Variants in GPR146 observed in about 807,000 individuals in gnomAD.
GPR146 encodes G protein-coupled receptor 146.
For synonymous variants in GPR146, 203 were observed against 104.3 expected (o/e 1.95, Z -5.77); for missense variants, 381 against 213.9 (o/e 1.78, Z -4.87).
intron 1 of GPR146, chr7:1,055,176 C>T (rs1783595371): frequency 6.5e-6 from 3 of 464,200 alleles, no homozygotes; most frequent in African/African-American, 2.0e-5. Context: ...CGGTCCCGTC[C>T]AAGCACGGCC....
chr7:1,055,584 GGA>G, intron 1 of GPR146: 1 of 380,376 alleles, frequency 2.6e-6, no homozygotes, highest in South Asian at 1.9e-5. Context: ...AGCACAGGTG[GGA>G]GAGAGGACGC....
At chr7:1,055,311 A>G (rs769390089) in intron 1 of GPR146, 17 of 471,024 alleles carry the variant, frequency 3.6e-5, no homozygotes, top group Non-Finnish European at 7.0e-5. Context: ...GGGCCCTCAC[A>G]CGCACGCGCA....
intron 1 of GPR146, among the ~76,000 whole-genome samples, chr7:1,049,399 T>C (rs1782888313): frequency 6.6e-6 from 1 of 152,184 alleles, no homozygotes; most frequent in African/African-American, 2.4e-5. Context: ...TCCTGTCTCA[T>C]GAAGATTTTT....
intron 1 of GPR146, among the ~76,000 whole-genome samples, chr7:1,050,508 C>T (rs1480788734): frequency 6.6e-6 from 1 of 152,246 alleles, no homozygotes; most frequent in Non-Finnish European, 1.5e-5. Context: ...GCTGCCCCAG[C>T]TTCTCCAAGT....
chr7:1,058,783 G>A lies in GPR146; in HGVS notation c.*266G>A, dbSNP rs1172732527. 1.4e-5 allele frequency: 7 copies of A among 491,718 alleles called. No individual in the cohort carries two copies. Among genetic ancestry groups the A allele is most frequent in the East Asian group, 3.4e-5 (1 of 29,762 alleles). The allele number at this position is 491,718 out of a possible 1,614,324, so 30.5% of individuals were successfully genotyped here. A position where few individuals can be genotyped will look rare whatever the true frequency, so the allele number is the denominator to read the frequency against. On this transcript the variant is annotated 3_prime_UTR_variant, in exon 2 of 2. Coordinates refer to ENST00000444847, the MANE Select transcript of GPR146 (RefSeq NM_001303473.2). ...GGTCCACATCCGCAAAAGCCTCCTC[G>A]CCTTCAGCCTCCTCAGCATTCAGTT...
chr7:1,052,258 C>A lies in GPR146; in HGVS notation c.-24-5234C>A, dbSNP rs1425917804. Among the ~76,000 whole-genome samples the A allele has an allele frequency of 6.6e-6, 1 of 152,226 alleles. No homozygotes were observed. The highest frequency in any genetic ancestry group is 1.5e-5 in the Non-Finnish European group (1 of 68,032). ...GGCGCCTGCGTCGAGGCGTGCCCTC[C>A]TGAGAGGCAAGGCTGACCTGCAGCG... is the stretch of plus-strand genomic sequence containing the variant. On this transcript the variant is annotated intron_variant, in intron 1 of 1. Transcript: ENST00000444847. The surrounding 1 kb of genome is among the most constrained non-coding windows in gnomAD (Gnocchi z 4.2).
At position 1,052,486 on chromosome 7, in the gene GPR146, C is replaced by G. The variant is rs189507264; in HGVS notation, c.-24-5006C>G. On this transcript the variant is annotated intron_variant, in intron 1 of 1. Coordinates refer to ENST00000444847, the MANE Select transcript of GPR146 (RefSeq NM_001303473.2). The surrounding 1 kb of genome is among the most constrained non-coding windows in gnomAD (Gnocchi z 4.2). Reference sequence around the variant, plus strand: ...AGTGGGAGGTAGGCAGTGAAACCAGCAGTGTGACTTTGGAGGTGCTGGAGG... The same window carrying G: ...AGTGGGAGGTAGGCAGTGAAACCAGGAGTGTGACTTTGGAGGTGCTGGAGG... 1.9e-3 allele frequency among the ~76,000 whole-genome samples: 289 copies of G among 152,168 alleles called. No homozygotes were observed. Among genetic ancestry groups the G allele is most frequent in the Non-Finnish European group, 2.8e-3 (187 of 67,982 alleles).
intron 1 of GPR146, among the ~76,000 whole-genome samples, chr7:1,054,227 C>T (rs1379034087): frequency 3.9e-5 from 6 of 152,214 alleles, no homozygotes; most frequent in African/African-American, 7.2e-5. Flanking sequence ...ACGCAAAGCG[C>T]GTCACCTTCC....
chr7:1,044,573 G>C lies in GPR146; in HGVS notation c.-110G>C, dbSNP rs1271593704. 6.6e-6 allele frequency: 1 copy of C among 150,700 alleles called. No homozygotes were observed. Among genetic ancestry groups the C allele is most frequent in the Non-Finnish European group, 1.5e-5 (1 of 67,536 alleles). The allele number at this position is 150,700 out of a possible 1,614,324, so 9.3% of individuals were successfully genotyped here. ...TCACGTGTGTACACAGGGCCCGGGC[G>C]GCGTGCGCGCCGTGAGCCCCGCCGC... On this transcript the variant is annotated 5_prime_UTR_variant, in exon 1 of 2. Coordinates refer to ENST00000444847, the MANE Select transcript of GPR146 (RefSeq NM_001303473.2).
intron 1 of GPR146, among the ~76,000 whole-genome samples, chr7:1,054,419 TCCACCTGAACC>T (rs1310383495): frequency 3.3e-5 from 5 of 152,200 alleles, no homozygotes; most frequent in Admixed American, 2.0e-4. Flanking sequence ...AGGAGAACTT[TCCACCTGAACC>T]CCACCTGGAG....
intron 1 of GPR146, 84 bp downstream of exon 1, chr7:1,044,742 G>A (rs1782417420): frequency 1.3e-5 from 2 of 152,318 alleles, no homozygotes; most frequent in Non-Finnish European, 2.9e-5. Context: ...CCAAGCTGCT[G>A]TGGCTCCCAC....
rs765455927 is a variant in GPR146 at position 1,058,535 on chromosome 7, G to A, written c.*18G>A. On this transcript the variant is annotated 3_prime_UTR_variant, in exon 2 of 2. Coordinates refer to ENST00000444847, the MANE Select transcript of GPR146 (RefSeq NM_001303473.2). ...TGGCGTAGGCGGCCCAGCCCTCCTG[G>A]GGAGACGTGACTCTGGTGGACGCAG... 6.5e-6 allele frequency: 5 copies of A among 768,972 alleles called. No homozygotes were observed. The Admixed American group carries it at 6.9e-5, about 11-fold the overall frequency. The allele number at this position is 768,972 out of a possible 1,614,324, so 47.6% of individuals were successfully genotyped here.
chr7:1,053,732 C>T (rs1403259623), intron 1 of GPR146, among the ~76,000 whole-genome samples: 1 of 152,214 alleles, frequency 6.6e-6, no homozygotes, highest in African/African-American at 2.4e-5. Context: ...GAGGCTGAGG[C>T]AGGAGAATCG....
At position 1,057,663 on chromosome 7, in the gene GPR146, C is replaced by T. The variant is rs768765605; in HGVS notation, c.148C>T (p.Leu50=). ...CCTGTGCTACAACGCCCTGCTGGTGCTGGCCAACCTACACAGCAAGGCCAG... is the reference window on the plus strand; with the variant it reads ...CCTGTGCTACAACGCCCTGCTGGTGTTGGCCAACCTACACAGCAAGGCCAG... ...VGLCYNALLV[L]ANLHSKASMT... The change falls in exon 2 of 2, where the codon CTG becomes TTG. Residue 50 remains leucine, a synonymous_variant. Transcript: ENST00000444847. The T allele has an allele frequency of 1.8e-5, 14 of 771,526 alleles. No homozygotes were observed. The highest frequency in any genetic ancestry group is 3.4e-5 in the Admixed American group (2 of 58,202). The allele number at this position is 771,526 out of a possible 1,614,324, so 47.8% of individuals were successfully genotyped here. A position where few individuals can be genotyped will look rare whatever the true frequency, so the allele number is the denominator to read the frequency against.
chr7:1,049,741 C>A (rs1488881394), intron 1 of GPR146, among the ~76,000 whole-genome samples: 2 of 152,154 alleles, frequency 1.3e-5, no homozygotes, highest in African/African-American at 2.4e-5. Flanking sequence ...GTCAAGGCAG[C>A]GGCTGGAATC....
At chr7:1,048,022 C>T (rs1381178044) in intron 1 of GPR146, among the ~76,000 whole-genome samples, 4 of 120,060 alleles carry the variant, frequency 3.3e-5, no homozygotes, top group Non-Finnish European at 5.0e-5. Context: ...GATGGATGTG[C>T]GGACAGGCTT....
intron 1 of GPR146, among the ~76,000 whole-genome samples, chr7:1,049,013 G>A (rs1782845836): frequency 1.3e-5 from 2 of 152,050 alleles, no homozygotes; most frequent in African/African-American, 2.4e-5. Flanking sequence ...AGCCTCTGCA[G>A]TCTGAGCGTG....
intron 1 of GPR146, among the ~76,000 whole-genome samples, chr7:1,051,216 C>T (rs1783081083): frequency 6.6e-6 from 1 of 152,236 alleles, no homozygotes; most frequent in South Asian, 2.1e-4. Context: ...GGGCGCCAGC[C>T]TCCCATGAAC....
chr7:1,056,071 C>G (rs982746166), intron 1 of GPR146: 1 of 153,588 alleles, frequency 6.5e-6, no homozygotes, highest in African/African-American at 2.4e-5. Flanking sequence ...CGGACGCCCC[C>G]CTCACCGGCC....
Sources: gnomAD v4.1 joint callset for allele counts (sites outside exome capture counted in the v4.1 genomes callset) on GRCh38, gnomAD v4.1.1 for gene constraint, Gnocchi (gnomAD v3.1) non-coding constraint, MANE v1.5 for transcripts, NCBI Gene and HGNC (gene_info 2026-07-23, HGNC 2026-07-21) for gene names.